The following UCK2 variants were observed in gnomAD, a reference collection of about 807,000 sequenced individuals.
UCK2 encodes the protein uridine-cytidine kinase 2.
Under a neutral mutation model 30.8 loss-of-function variants are expected in UCK2, and 6 were observed. The ratio of observed to expected loss-of-function variants is 0.19; its 90% CI spans 0.11 to 0.38. The LOEUF is 0.38. Ranked by LOEUF, UCK2 falls within the 10% of genes least tolerant of loss-of-function variation. UCK2 has a pLI of 1.00. For missense variants in UCK2, 210 were observed against 339.8 expected, an observed-to-expected ratio of 0.62 and a Z score of 3.00; for synonymous variants, 125 against 133.6, an observed-to-expected ratio of 0.94 and a Z score of 0.45.
At chr1:165,831,594 C>A (rs1654048570) in intron 1 of UCK2, among the ~76,000 whole-genome samples, 1 of 152,178 alleles carries the variant, frequency 6.6e-6, no homozygotes, top group African/African-American at 2.4e-5. Context: ...CGAGAAAAAT[C>A]TGCTCCATTA....
chr1:165,905,069 T>G (rs552747219), intron 5 of UCK2, among the ~76,000 whole-genome samples: 1 of 152,304 alleles, frequency 6.6e-6, no homozygotes, highest in South Asian at 2.1e-4. Flanking sequence ...ACCAGTCCCC[T>G]GGAAAGTTTG....
intron 1 of UCK2, among the ~76,000 whole-genome samples, chr1:165,869,308 C>G (rs925308407): frequency 6.6e-6 from 1 of 152,080 alleles, no homozygotes; most frequent in Non-Finnish European, 1.5e-5. Context: ...ATGGTATTAA[C>G]AAGACTTGCT....
intron 4 of UCK2, chr1:165,900,235 G>C: frequency 6.6e-6 from 1 of 152,216 alleles, no homozygotes; most frequent in South Asian, 2.1e-4. Context: ...CTCCCAACGC[G>C]TCCTCAGGTT....
At chr1:165,837,066 G>A (rs956323824) in intron 1 of UCK2, among the ~76,000 whole-genome samples, 7 of 152,210 alleles carry the variant, frequency 4.6e-5, no homozygotes, top group East Asian at 3.9e-4. Context: ...CTGCTCCCAC[G>A]ATAATGGCAT....
At chr1:165,874,405 G>A (rs1414102396) in intron 1 of UCK2, among the ~76,000 whole-genome samples, 3 of 152,238 alleles carry the variant, frequency 2.0e-5, no homozygotes, top group Non-Finnish European at 2.9e-5. Flanking sequence ...GAGCCGTCCA[G>A]TGGCAGCGGG....
In UCK2 at chr1:165,888,117, C is replaced by T. The variant is rs112409135; in HGVS notation, c.100-2087C>T. 2.9e-4 allele frequency among the ~76,000 whole-genome samples: 44 copies of T among 152,198 alleles called. 1 individual carries two copies. The highest frequency in any genetic ancestry group is 9.4e-4 in the African/African-American group (39 of 41,508). On this transcript the variant is annotated intron_variant, in intron 1 of 6. Coordinates refer to ENST00000367879, the MANE Select transcript of UCK2 (RefSeq NM_012474.5). ...CAACAGGAATGGCCAGTTTTCCTTACGCTCAGGGCAATCAAACACAACTTT... is the reference window on the plus strand; with the variant it reads ...CAACAGGAATGGCCAGTTTTCCTTATGCTCAGGGCAATCAAACACAACTTT...
intron 1 of UCK2, among the ~76,000 whole-genome samples, chr1:165,860,747 G>A (rs115620295): frequency 2.4e-3 from 369 of 152,162 alleles, no homozygotes; most frequent in Non-Finnish European, 4.1e-3. Context: ...ACAGCGCCCC[G>A]CCCCAGAGTG....
At chr1:165,867,677 A>G (rs1655081243) in intron 1 of UCK2, among the ~76,000 whole-genome samples, 3 of 152,214 alleles carry the variant, frequency 2.0e-5, no homozygotes, top group Non-Finnish European at 4.4e-5. Flanking sequence ...GATTGCAACA[A>G]TTCAGTCACA....
intron 1 of UCK2, among the ~76,000 whole-genome samples, chr1:165,887,776 C>G (rs1655657003): frequency 6.6e-6 from 1 of 151,682 alleles, no homozygotes; most frequent in African/African-American, 2.4e-5. Flanking sequence ...TGATTTCCCC[C>G]CCCACCCATC....
intron 1 of UCK2, among the ~76,000 whole-genome samples, chr1:165,832,151 T>C (rs933055349): frequency 1.3e-5 from 2 of 152,232 alleles, no homozygotes; most frequent in African/African-American, 4.8e-5. Context: ...GTCTTCTTTT[T>C]GTAATGGCCT....
chr1:165,884,219 A>T (rs1408790142), intron 1 of UCK2, among the ~76,000 whole-genome samples: 3 of 152,184 alleles, frequency 2.0e-5, no homozygotes, highest in Non-Finnish European at 4.4e-5. Flanking sequence ...GCCTTCAAGC[A>T]TTCTTCTCTG....
Position 165,899,332 on chromosome 1 carries a change from G to A in UCK2, c.499+3000G>A, listed in dbSNP as rs3790664. Among the ~76,000 whole-genome samples, 1,351 of 152,288 alleles carry A rather than the reference G, an allele frequency of 8.9e-3. 36 individuals are homozygous for A. The highest frequency in any genetic ancestry group is 0.057 in the Admixed American group (873 of 15,298). ...GCTCTGAATACGGGGACAGGGAGGA[G>A]GTGGGGCAGGGAGATTCAGGATGGC... On this transcript the variant is annotated intron_variant, in intron 4 of 6. Coordinates refer to ENST00000367879, the MANE Select transcript of UCK2 (RefSeq NM_012474.5).
At chr1:165,896,370 C>A in intron 4 of UCK2, 38 bp downstream of exon 4, 2 of 1,611,790 alleles carry the variant, frequency 1.2e-6, no homozygotes, top group East Asian at 4.5e-5. Flanking sequence ...TGTTGGTGGC[C>A]ACCTTGAGGG....
At chr1:165,893,326 T>G (rs1321565752) in intron 3 of UCK2, among the ~76,000 whole-genome samples, 1 of 152,230 alleles carries the variant, frequency 6.6e-6, no homozygotes, top group Non-Finnish European at 1.5e-5. Flanking sequence ...CTGATTTATC[T>G]CATACCTTAT....
chr1:165,838,785 T>A (rs1280058416), intron 1 of UCK2, among the ~76,000 whole-genome samples: 1 of 151,028 alleles, frequency 6.6e-6, no homozygotes, highest in Non-Finnish European at 1.5e-5. Flanking sequence ...CAGTGGCTCA[T>A]GCATGTCATC....
At chr1:165,876,869 A>G (rs1655350128) in intron 1 of UCK2, among the ~76,000 whole-genome samples, 1 of 152,116 alleles carries the variant, frequency 6.6e-6, no homozygotes, top group Non-Finnish European at 1.5e-5. Context: ...TCACCTTTAT[A>G]TGGCTTTCCC....
chr1:165,836,997 C>T (rs894029626), intron 1 of UCK2, among the ~76,000 whole-genome samples: 3 of 152,112 alleles, frequency 2.0e-5, no homozygotes, highest in African/African-American at 7.2e-5. Flanking sequence ...TGTCCTCGTG[C>T]ACAAAAGTTT....
chr1:165,849,529 A>T (rs1462672183), intron 1 of UCK2, among the ~76,000 whole-genome samples: 1 of 152,222 alleles, frequency 6.6e-6, no homozygotes, highest in East Asian at 1.9e-4. Flanking sequence ...GCCAGAGGTG[A>T]AGTGAGATGA....
At chr1:165,881,082 C>T (rs979605837) in intron 1 of UCK2, among the ~76,000 whole-genome samples, 1 of 147,918 alleles carries the variant, frequency 6.8e-6, no homozygotes, top group Non-Finnish European at 1.5e-5. Context: ...CTGAGGCAGA[C>T]GAATTGTTTG....
Sources: gnomAD v4.1 joint callset for allele counts (sites outside exome capture counted in the v4.1 genomes callset) on GRCh38, gnomAD v4.1.1 for gene constraint, MANE v1.5 for transcripts, NCBI Gene and HGNC (gene_info 2026-07-23, HGNC 2026-07-21) for gene names.